Variants in VAT1L observed in about 807,000 individuals in gnomAD.
VAT1L encodes the protein vesicle amine transport 1 like.
Under a neutral mutation model 44.1 loss-of-function variants are expected in VAT1L, and 34 were observed. That is an observed-to-expected ratio of 0.77 (90% CI 0.59 to 1.03). The LOEUF (loss-of-function observed/expected upper bound fraction) is 1.03, where lower values mean the gene tolerates loss of function less well. Among genes scored for constraint, VAT1L ranks in the 50% least tolerant of loss-of-function variants. The pLI is 0.00. For missense variants in VAT1L, 615 were observed against 538.8 expected (o/e 1.14, Z -1.40); for synonymous variants, 253 against 202.2 (o/e 1.25, Z -2.13).
At chr16:77,959,363 C>G (rs1056570608) in intron 7 of VAT1L, among the ~76,000 whole-genome samples, 1 of 152,222 alleles carries the variant, frequency 6.6e-6, no homozygotes, top group Non-Finnish European at 1.5e-5. Flanking sequence ...CTCAAGCCTA[C>G]TTGCAATGAA....
At chr16:77,936,862 G>C (rs933268512) in intron 7 of VAT1L, among the ~76,000 whole-genome samples, 1 of 116,728 alleles carries the variant, frequency 8.6e-6, no homozygotes, top group Non-Finnish European at 1.8e-5. Flanking sequence ...CTGAGGGTTT[G>C]TTTGGTTTCT....
intron 7 of VAT1L, among the ~76,000 whole-genome samples, chr16:77,949,366 C>T (rs2018012318): frequency 1.3e-5 from 2 of 152,114 alleles, no homozygotes; most frequent in South Asian, 4.1e-4. Context: ...ATCATGATCT[C>T]TGGGGTACTG....
At chr16:77,832,697 T>C (rs1248972360) in intron 3 of VAT1L, among the ~76,000 whole-genome samples, 1 of 152,236 alleles carries the variant, frequency 6.6e-6, no homozygotes, top group East Asian at 1.9e-4. Context: ...CTATTCGTTA[T>C]GGATGAGGCA....
chr16:77,860,633 T>C (rs1277487990), intron 3 of VAT1L, among the ~76,000 whole-genome samples: 3 of 152,228 alleles, frequency 2.0e-5, no homozygotes, highest in Non-Finnish European at 4.4e-5. Context: ...GAGCTATAAC[T>C]ATGACATATC....
intron 7 of VAT1L, among the ~76,000 whole-genome samples, chr16:77,909,724 C>G (rs1388365848): frequency 3.3e-5 from 5 of 151,482 alleles, no homozygotes; most frequent in African/African-American, 1.2e-4. Flanking sequence ...TACCCACAAC[C>G]AATCAAACTT....
rs555289055 is a variant in VAT1L, at chr16:77,824,441, T to C, written c.364-805T>C. ...CACTGCAAATGTATTTTAAAAGTTA[T>C]TCGTTTCATCAAAGTATTAAAAAAT... On this transcript the variant is annotated intron_variant, in intron 2 of 8. Coordinates refer to ENST00000302536, the MANE Select transcript of VAT1L (RefSeq NM_020927.3). 1.4e-3 allele frequency among the ~76,000 whole-genome samples: 209 copies of C among 152,262 alleles called. 1 individual carries two copies. Among genetic ancestry groups the C allele is most frequent in the Middle Eastern group, 3.4e-3 (1 of 294 alleles).
At chr16:77,905,598 T>C (rs956000966) in intron 7 of VAT1L, among the ~76,000 whole-genome samples, 7 of 152,152 alleles carry the variant, frequency 4.6e-5, no homozygotes, top group African/African-American at 1.7e-4. Context: ...TATTCACAAG[T>C]TGATGTTCCT....
At chr16:77,798,988 A>C (rs1241650381) in intron 1 of VAT1L, among the ~76,000 whole-genome samples, 1 of 151,574 alleles carries the variant, frequency 6.6e-6, no homozygotes, top group Non-Finnish European at 1.5e-5. Context: ...CTCTCTCCTC[A>C]TAAGTTAGCT....
intron 2 of VAT1L, among the ~76,000 whole-genome samples, chr16:77,821,240 G>A (rs191068053): frequency 6.6e-6 from 1 of 151,952 alleles, no homozygotes; most frequent in East Asian, 1.9e-4. Context: ...AATATAATGG[G>A]ATCTGCATAA....
At chr16:77,793,120 C>G (rs552774960) in intron 1 of VAT1L, among the ~76,000 whole-genome samples, 6 of 152,206 alleles carry the variant, frequency 3.9e-5, no homozygotes, top group African/African-American at 1.4e-4. Flanking sequence ...AACTGGAACT[C>G]TTATATTTTG....
intron 7 of VAT1L, among the ~76,000 whole-genome samples, chr16:77,891,186 C>T (rs879411037): frequency 1.4e-4 from 21 of 152,000 alleles, no homozygotes; most frequent in Non-Finnish European, 2.5e-4. Flanking sequence ...AACCCCGTCA[C>T]TACTAAAAGT....
intron 7 of VAT1L, among the ~76,000 whole-genome samples, chr16:77,920,520 C>T (rs915853130): frequency 1.1e-4 from 16 of 152,142 alleles, no homozygotes; most frequent in African/African-American, 3.6e-4. Flanking sequence ...GACTGAATAT[C>T]GAAATATGTA....
At chr16:77,848,408 T>A (rs570701859) in intron 3 of VAT1L, among the ~76,000 whole-genome samples, 2 of 152,282 alleles carry the variant, frequency 1.3e-5, no homozygotes, top group Admixed American at 1.3e-4. Flanking sequence ...GCTCGTCACG[T>A]TGCCTCTGTC....
At chr16:77,915,287 T>C (rs748047742) in intron 7 of VAT1L, among the ~76,000 whole-genome samples, 1 of 152,212 alleles carries the variant, frequency 6.6e-6, no homozygotes, top group South Asian at 2.1e-4. Flanking sequence ...CATTCGTAAA[T>C]TGTGTACTAC....
At chr16:77,800,614 T>C (rs376908201) in intron 1 of VAT1L, 1 of 152,174 alleles carries the variant, frequency 6.6e-6, no homozygotes, top group African/African-American at 2.4e-5. Context: ...TGCCTTGTTC[T>C]TTTCCCACTG....
At chr16:77,891,932 C>A (rs1303932119) in intron 7 of VAT1L, among the ~76,000 whole-genome samples, 1 of 152,128 alleles carries the variant, frequency 6.6e-6, no homozygotes, top group African/African-American at 2.4e-5. Context: ...ATTAGCCCGG[C>A]ATGGTGGCAC....
At chr16:77,934,340 C>A (rs1411651627) in intron 7 of VAT1L, among the ~76,000 whole-genome samples, 1 of 151,968 alleles carries the variant, frequency 6.6e-6, no homozygotes, top group African/African-American at 2.4e-5. Flanking sequence ...GTTCTAATCC[C>A]TTGGACCTGT....
At chr16:77,843,903 T>C (rs746078479) in intron 3 of VAT1L, among the ~76,000 whole-genome samples, 2 of 152,222 alleles carry the variant, frequency 1.3e-5, no homozygotes, top group African/African-American at 2.4e-5. Context: ...TGCCTCTGCC[T>C]TCCTCTGCCA....
chr16:77,803,813 G>T (rs1316330380), intron 1 of VAT1L, among the ~76,000 whole-genome samples: 3 of 152,128 alleles, frequency 2.0e-5, no homozygotes, highest in Non-Finnish European at 4.4e-5. Flanking sequence ...GTCCATCTTT[G>T]GCTCCGATGA....
Sources: gnomAD v4.1 joint callset for allele counts (sites outside exome capture counted in the v4.1 genomes callset) on GRCh38, gnomAD v4.1.1 for gene constraint, MANE v1.5 for transcripts, NCBI Gene and HGNC (gene_info 2026-07-23, HGNC 2026-07-21) for gene names.